Variants in HEG1 observed in about 807,000 individuals in gnomAD.
The protein encoded by HEG1 is heart development protein with EGF like domains 1.
A neutral mutation model predicts 125.6 loss-of-function variants in HEG1; 56 were observed. The ratio of observed to expected loss-of-function variants is 0.45; its 90% CI spans 0.36 to 0.56. The LOEUF is 0.56. Ranked by LOEUF, HEG1 falls within the 20% of genes least tolerant of loss-of-function variation. The pLI is 0.00. For synonymous variants in HEG1, 644 were observed against 668.5 expected, an observed-to-expected ratio of 0.96 and a Z score of 0.57; for missense variants, 1,523 against 1,670.0, an observed-to-expected ratio of 0.91 and a Z score of 1.53.
chr3:125,027,437 C>A lies in HEG1; in HGVS notation c.681G>T (p.Lys227Asn). ...FDERIAAFQT[K>N]SGTASEMGTE... ...TTCCCATCTCCGAGGCTGTTCCACT[C>A]TTTGTTTGAAAAGCGGCAATTCTTT... The change falls in exon 3 of 17, where the codon AAG (lysine) becomes AAT (asparagine). Residue 227 changes from lysine (K) to asparagine (N), a missense_variant. Coordinates refer to ENST00000311127, the MANE Select transcript of HEG1 (RefSeq NM_020733.2). The A allele has an allele frequency of 6.2e-7, 1 of 1,613,852 alleles. No individual in the cohort carries two copies. Among genetic ancestry groups the A allele is most frequent in the Non-Finnish European group, 8.5e-7 (1 of 1,179,846 alleles).
At chr3:124,979,855 G>A (rs1028117056) in intron 14 of HEG1, among the ~76,000 whole-genome samples, 2 of 152,318 alleles carry the variant, frequency 1.3e-5, no homozygotes, top group South Asian at 4.1e-4. Context: ...GGTGCTGGTT[G>A]AGAATGAAGA....
At chr3:125,014,608 A>G in intron 5 of HEG1, 1 of 975,700 alleles carries the variant, frequency 1.0e-6, no homozygotes, top group African/African-American at 1.7e-5. Context: ...AGAGCTTGTA[A>G]GGCACTTTCT....
intron 1 of HEG1, among the ~76,000 whole-genome samples, chr3:125,051,673 C>G (rs1937809349): frequency 6.6e-6 from 1 of 152,198 alleles, no homozygotes; most frequent in Non-Finnish European, 1.5e-5. Context: ...TGTTGCCTCC[C>G]CAGGATTCTT....
Position 124,970,560 on chromosome 3 carries a change from G to A in HEG1, c.*92C>T, listed in dbSNP as rs1169540749. ...CTGCTTGCCACTCAGCGTGGCTCCC[G>A]ACAAATCCTGGGCGCAGCCTCCTGG... On this transcript the variant is annotated 3_prime_UTR_variant, in exon 17 of 17. Coordinates refer to ENST00000311127, the MANE Select transcript of HEG1 (RefSeq NM_020733.2). 1.9e-5 allele frequency: 24 copies of A among 1,244,150 alleles called. No individual in the cohort carries two copies. The South Asian group carries it at 2.2e-4, about 11-fold the overall frequency. The allele number at this position is 1,244,150 out of a possible 1,614,324, so 77.1% of individuals were successfully genotyped here.
At chr3:124,975,520 G>A in intron 15 of HEG1, among the ~76,000 whole-genome samples, 1 of 152,190 alleles carries the variant, frequency 6.6e-6, no homozygotes, top group East Asian at 1.9e-4. Context: ...TTCTCTTTCT[G>A]TACATAGCTT....
chr3:125,051,255 C>T (rs2107715434), intron 1 of HEG1, among the ~76,000 whole-genome samples: 1 of 152,302 alleles, frequency 6.6e-6, no homozygotes, highest in South Asian at 2.1e-4. Context: ...TCCTCATTGC[C>T]ACTGCCATCT....
intron 14 of HEG1, among the ~76,000 whole-genome samples, chr3:124,981,888 C>T (rs936926680): frequency 2.0e-5 from 3 of 151,226 alleles, no homozygotes; most frequent in African/African-American, 7.3e-5. Flanking sequence ...GAAATCTTGA[C>T]ATTGTGTATA....
At chr3:125,045,507 G>A (rs1432481019) in intron 1 of HEG1, among the ~76,000 whole-genome samples, 7 of 152,362 alleles carry the variant, frequency 4.6e-5, no homozygotes, top group African/African-American at 1.7e-4. Context: ...GAAGGTCAAG[G>A]GTAGAGCTGT....
chr3:124,994,294 C>T (rs986327333), intron 12 of HEG1, among the ~76,000 whole-genome samples: 1 of 152,190 alleles, frequency 6.6e-6, no homozygotes, highest in Non-Finnish European at 1.5e-5. Context: ...CCTAACTGCA[C>T]CTCCTGCTGT....
In HEG1 at chr3:125,029,284, C is replaced by T. The variant is rs750325729; in HGVS notation, c.521G>A (p.Gly174Asp). Residue 174 changes from glycine (G) to aspartate (D), a missense_variant, in exon 2 of 17, where the codon GGC (glycine) becomes GAC (aspartate). Coordinates refer to ENST00000311127, the MANE Select transcript of HEG1 (RefSeq NM_020733.2). The part of the protein sequence containing the change: ...AETADARGRS[G>D]SSSRTNFTIL... ...GGTGAAGTTTGTTCTACTTGAAGAGCCGCTCCTTCCTCTAGCATCTGCTGT... is the reference window on the plus strand; with the variant it reads ...GGTGAAGTTTGTTCTACTTGAAGAGTCGCTCCTTCCTCTAGCATCTGCTGT... The T allele has an allele frequency of 3.7e-6, 6 of 1,613,814 alleles. No homozygotes were observed. In the South Asian group the frequency reaches 4.4e-5, roughly 12 times the overall value.
At chr3:125,039,805 G>A (rs1335285138) in intron 1 of HEG1, among the ~76,000 whole-genome samples, 1 of 141,874 alleles carries the variant, frequency 7.0e-6, no homozygotes, top group African/African-American at 2.5e-5. Flanking sequence ...ATTCCATGAG[G>A]CTTTAAGGCA....
intron 8 of HEG1, among the ~76,000 whole-genome samples, chr3:125,008,819 CACAAAA>C (rs1226601308): frequency 1.3e-4 from 2 of 15,376 alleles, no homozygotes; most frequent in Non-Finnish European, 2.6e-4. Context: ...AAACAAAAAA[CACAAAA>C]ACAAAAAACT....
In HEG1 at chr3:124,965,779, T is replaced by A. The variant is rs1208484769; in HGVS notation, c.*4873A>T. 2.0e-5 allele frequency: 3 copies of A among 152,206 alleles called. No homozygotes were observed. The highest frequency in any genetic ancestry group is 7.2e-5 in the African/African-American group (3 of 41,452). 9.4% of individuals were successfully genotyped at this position (152,206 alleles called of 1,614,324 possible). On this transcript the variant is annotated 3_prime_UTR_variant, in exon 17 of 17. Transcript: ENST00000311127. ...GCCAGACTTAGAGTGGATATAAGTA[T>A]AAAAATAACCAAATTCTTACAAATA...
intron 7 of HEG1, 106 bp from the exon 8 acceptor site, chr3:125,009,930 G>A (rs751891699): frequency 8.4e-6 from 10 of 1,184,884 alleles, no homozygotes; most frequent in South Asian, 1.8e-5. Context: ...TAGGTGTGGT[G>A]AGACCCCAAA....
chr3:124,969,797 A>G lies in HEG1; in HGVS notation c.*855T>C, dbSNP rs1936393432. 1 of 149,808 alleles carries G rather than the reference A, an allele frequency of 6.7e-6. No homozygotes were observed. Among genetic ancestry groups the G allele is most frequent in the Non-Finnish European group, 1.5e-5 (1 of 67,374 alleles). The allele number at this position is 149,808 out of a possible 1,614,324, so 9.3% of individuals were successfully genotyped here. ...CCTCTGGCCTCCACAATGGTGATCG[A>G]GTCCCAGGCCCCAGGCTGGGCCCTC... On this transcript the variant is annotated 3_prime_UTR_variant, in exon 17 of 17. Coordinates refer to ENST00000311127, the MANE Select transcript of HEG1 (RefSeq NM_020733.2).
In HEG1 at chr3:125,013,585, G is replaced by GAGGAAGAGGAGGAGGAGC; in HGVS notation, c.1993_1994insGCTCCTCCTCCTCTTCCT (p.Ser664_Ser665insCysSerSerSerSerSer). On this transcript the variant is annotated inframe_insertion, in exon 6 of 17. Coordinates refer to ENST00000311127, the MANE Select transcript of HEG1 (RefSeq NM_020733.2). ...CCCTGAAGAAGAAGAAGAGGAGGAG[G>GAGGAAGAGGAGGAGGAGC]AGGAAGAGGAGGAGGAGGAGTCACT... 1 of 1,594,952 alleles carries GAGGAAGAGGAGGAGGAGC rather than the reference G, an allele frequency of 6.3e-7. No homozygotes were observed. Among genetic ancestry groups the GAGGAAGAGGAGGAGGAGC allele is most frequent in the South Asian group, 1.1e-5 (1 of 88,804 alleles).
chr3:124,975,889 T>C (rs994655342), intron 15 of HEG1, among the ~76,000 whole-genome samples: 4 of 152,256 alleles, frequency 2.6e-5, no homozygotes, highest in African/African-American at 9.6e-5. Flanking sequence ...TCATATTCCA[T>C]TGTAGAAATA....
chr3:125,009,056 C>CT (rs1937113617), intron 8 of HEG1, among the ~76,000 whole-genome samples: 1 of 152,208 alleles, frequency 6.6e-6, no homozygotes, highest in Non-Finnish European at 1.5e-5. Flanking sequence ...TGTTTGCTTG[C>CT]TTTTTAACTT....
chr3:125,002,222 A>G, intron 10 of HEG1, 35 bp downstream of exon 10: 1 of 1,590,564 alleles, frequency 6.3e-7, no homozygotes, highest in Admixed American at 1.7e-5. Flanking sequence ...CTTTGTACAG[A>G]CTAGTTCACA....
Sources: gnomAD v4.1 joint callset for allele counts (sites outside exome capture counted in the v4.1 genomes callset) on GRCh38, gnomAD v4.1.1 for gene constraint, MANE v1.5 for transcripts, NCBI Gene and HGNC (gene_info 2026-07-23, HGNC 2026-07-21) for gene names.